Variants in DNAH11 observed in about 807,000 individuals in gnomAD.
DNAH11 encodes the protein dynein axonemal heavy chain 11, also known as axonemal beta dynein heavy chain 11.
DNAH11 carries 442 observed loss-of-function variants against 526.0 expected under a neutral mutation model. The ratio of observed to expected loss-of-function variants is 0.84; its 90% CI spans 0.78 to 0.91. The LOEUF (loss-of-function observed/expected upper bound fraction) is 0.91, where lower values mean the gene tolerates loss of function less well. Ranked by LOEUF, DNAH11 falls within the 40% of genes least tolerant of loss-of-function variation. The pLI is 0.00. For synonymous variants in DNAH11, 2,461 were observed against 1,935.9 expected (o/e 1.27, Z -7.12); for missense variants, 6,989 against 5,448.7 (o/e 1.28, Z -8.90).
At chr7:21,742,823 T>C (rs1785969271) in intron 49 of DNAH11, among the ~76,000 whole-genome samples, 1 of 152,216 alleles carries the variant, frequency 6.6e-6, no homozygotes, top group East Asian at 1.9e-4. Context: ...TTGTCTGCGC[T>C]TCCGTGACAA....
chr7:21,778,779 A>T (rs1345126910), intron 56 of DNAH11, among the ~76,000 whole-genome samples, 179 bp from the exon 57 acceptor site: 1 of 152,178 alleles, frequency 6.6e-6, no homozygotes, highest in Non-Finnish European at 1.5e-5. Context: ...GTTTGTTCTC[A>T]TGTGGAGAAA....
At chr7:21,754,277 T>C (rs974250618) in intron 54 of DNAH11, among the ~76,000 whole-genome samples, 3 of 152,236 alleles carry the variant, frequency 2.0e-5, no homozygotes, top group African/African-American at 7.2e-5. Flanking sequence ...AGTATCTACC[T>C]AGTAAATTCA....
intron 61 of DNAH11, among the ~76,000 whole-genome samples, chr7:21,789,805 CTTTTTTCTTTCT>C (rs1788370649): frequency 1.7e-5 from 1 of 59,660 alleles, no homozygotes; most frequent in Admixed American, 1.9e-4. Flanking sequence ...TTCTTTCTTT[CTTTTTTCTTTCT>C]TTCTTTCTTT....
intron 2 of DNAH11, among the ~76,000 whole-genome samples, chr7:21,547,613 A>G (rs1433165727): frequency 1.3e-5 from 2 of 152,106 alleles, no homozygotes; most frequent in Non-Finnish European, 2.9e-5. Flanking sequence ...TGATTTCCCA[A>G]TAACGAAACT....
chr7:21,809,354 G>T (rs889519822), intron 63 of DNAH11, among the ~76,000 whole-genome samples: 3 of 152,050 alleles, frequency 2.0e-5, no homozygotes, highest in African/African-American at 7.2e-5. Context: ...CACTCTGTTG[G>T]TTGTTTCCTT....
At chr7:21,726,616 C>G (rs1023290030) in intron 45 of DNAH11, among the ~76,000 whole-genome samples, 14 of 151,672 alleles carry the variant, frequency 9.2e-5, no homozygotes, top group Non-Finnish European at 1.5e-4. Flanking sequence ...AATCCCAGCA[C>G]TTTGGGAGGC....
At chr7:21,722,398 G>T (rs1474209697) in intron 44 of DNAH11, among the ~76,000 whole-genome samples, 2 of 152,056 alleles carry the variant, frequency 1.3e-5, no homozygotes, top group African/African-American at 4.8e-5. Context: ...ACATTTTCCA[G>T]GCTTCCTTGC....
chr7:21,636,468 C>G (rs1368982450), intron 26 of DNAH11, among the ~76,000 whole-genome samples: 2 of 151,960 alleles, frequency 1.3e-5, no homozygotes, highest in African/African-American at 4.8e-5. Context: ...GGCTCGGTGG[C>G]TCACACCTAT....
rs755779473 is a variant in DNAH11, at chr7:21,600,993, TC to T, written c.3256-16del. 6.2e-7 allele frequency: 1 copy of T among 1,610,080 alleles called. No individual in the cohort carries two copies. Among genetic ancestry groups the T allele is most frequent in the South Asian group, 1.1e-5 (1 of 89,792 alleles). On this transcript the variant is annotated splice_polypyrimidine_tract_variant and intron_variant, in intron 16 of 81. Coordinates refer to ENST00000409508, the MANE Select transcript of DNAH11 (RefSeq NM_001277115.2). ...CTTTTCACTGAGTTGTTCTAATTAA[TC>T]TTTTTCTCACTACAGATTGACATTT... is the stretch of plus-strand genomic sequence containing the variant.
At position 21,615,107 on chromosome 7, in the gene DNAH11, T is replaced by C; in HGVS notation, c.3853-7T>C. 1.2e-6 allele frequency: 2 copies of C among 1,606,346 alleles called. No homozygotes were observed. Among genetic ancestry groups the C allele is most frequent in the Non-Finnish European group, 8.5e-7 (1 of 1,177,280 alleles). On this transcript the variant is annotated splice_region_variant and splice_polypyrimidine_tract_variant and intron_variant, in intron 20 of 81. Transcript: ENST00000409508. ...TTTGTATGCAGGTGTTTATGTTCTC[T>C]CCTTAGGCAAATGAAGAGCTTGAGG...
At chr7:21,762,017 G>C (rs117664672) in intron 54 of DNAH11, among the ~76,000 whole-genome samples, 9 of 152,046 alleles carry the variant, frequency 5.9e-5, no homozygotes, top group Admixed American at 2.0e-4. Context: ...TCAGATGGCC[G>C]CATCTGAAGT....
At chr7:21,750,673 A>G (rs1786374398) in intron 54 of DNAH11, among the ~76,000 whole-genome samples, 1 of 152,202 alleles carries the variant, frequency 6.6e-6, no homozygotes, top group African/African-American at 2.4e-5. Context: ...TATAAATATA[A>G]ACAGTGCTGT....
chr7:21,826,110 C>T (rs1484504546), intron 65 of DNAH11, among the ~76,000 whole-genome samples: 2 of 152,168 alleles, frequency 1.3e-5, no homozygotes, highest in East Asian at 3.8e-4. Flanking sequence ...ACAGACTTCA[C>T]CACCACACAA....
intron 8 of DNAH11, among the ~76,000 whole-genome samples, chr7:21,573,520 G>A (rs563084160): frequency 9.9e-5 from 15 of 152,230 alleles, no homozygotes; most frequent in African/African-American, 1.2e-4. Flanking sequence ...TTAAAAAAAT[G>A]TGTTTTGCCT....
chr7:21,845,701 G>A (rs1782391582), intron 66 of DNAH11, among the ~76,000 whole-genome samples: 1 of 151,958 alleles, frequency 6.6e-6, no homozygotes, highest in Non-Finnish European at 1.5e-5. Context: ...GATGATTCTG[G>A]ATCTTATGAT....
chr7:21,826,818 A>C (rs1171134660), intron 65 of DNAH11, among the ~76,000 whole-genome samples: 1 of 152,122 alleles, frequency 6.6e-6, no homozygotes, highest in East Asian at 1.9e-4. Context: ...TCCCTCAGAA[A>C]GTTTTTGGCT....
chr7:21,781,502 T>C (rs541908460), intron 57 of DNAH11, among the ~76,000 whole-genome samples: 1 of 152,324 alleles, frequency 6.6e-6, no homozygotes, highest in Admixed American at 6.5e-5. Flanking sequence ...AATTCTCTCA[T>C]TGCTTTCAAA....
intron 53 of DNAH11, among the ~76,000 whole-genome samples, 165 bp from the exon 54 acceptor site, chr7:21,750,057 G>A (rs1280163193): frequency 1.3e-5 from 2 of 152,160 alleles, no homozygotes; most frequent in East Asian, 1.9e-4. Context: ...CGTCTTCAAC[G>A]TGTTGTATGT....
intron 49 of DNAH11, among the ~76,000 whole-genome samples, chr7:21,743,589 G>T (rs1225033075): frequency 6.6e-6 from 1 of 152,098 alleles, no homozygotes; most frequent in African/African-American, 2.4e-5. Flanking sequence ...CTCCACAACT[G>T]CCTCAAAACC....
Sources: gnomAD v4.1 joint callset for allele counts (sites outside exome capture counted in the v4.1 genomes callset) on GRCh38, gnomAD v4.1.1 for gene constraint, MANE v1.5 for transcripts, NCBI Gene and HGNC (gene_info 2026-07-23, HGNC 2026-07-21) for gene names.